WNT2B: variants seen among roughly 807,000 people sequenced by gnomAD.
WNT2B encodes the protein protein Wnt-2b.
Under a neutral mutation model 40.5 loss-of-function variants are expected in WNT2B, and 19 were observed. The observed-to-expected ratio is 0.47, with a 90% CI of 0.33 to 0.69. The LOEUF (loss-of-function observed/expected upper bound fraction) is 0.69. Among genes scored for constraint, WNT2B ranks in the 30% least tolerant of loss-of-function variants. WNT2B has a pLI of 0.02. For synonymous variants in WNT2B, 220 were observed against 211.9 expected (o/e 1.04, Z -0.33); for missense variants, 467 against 556.4 (o/e 0.84, Z 1.62).
intron 4 of WNT2B, among the ~76,000 whole-genome samples, chr1:112,519,448 A>C (rs1652737354): frequency 6.6e-6 from 1 of 152,142 alleles, no homozygotes; most frequent in African/African-American, 2.4e-5. Flanking sequence ...ACCATGGAAA[A>C]GCTTGGAGTA....
chr1:112,496,487 A>G (rs1335374169), intron 1 of WNT2B, among the ~76,000 whole-genome samples: 1 of 152,238 alleles, frequency 6.6e-6, no homozygotes, highest in East Asian at 1.9e-4. Context: ...GACTCAGTGC[A>G]TGATTCATCC....
intron 1 of WNT2B, among the ~76,000 whole-genome samples, chr1:112,481,592 G>T (rs1651226234): frequency 6.6e-6 from 1 of 152,166 alleles, no homozygotes; most frequent in South Asian, 2.1e-4. Flanking sequence ...CAAAAAAGAA[G>T]TAAACTTATC....
intron 1 of WNT2B, among the ~76,000 whole-genome samples, chr1:112,502,508 T>C (rs1651992507): frequency 1.3e-5 from 2 of 152,242 alleles, no homozygotes; most frequent in African/African-American, 4.8e-5. Context: ...GCTTTGATCT[T>C]ATCAGGCAAG....
rs1653248493 is a variant in WNT2B, at chr1:112,525,424, C to A, written c.*4915C>A. 6.6e-6 allele frequency: 1 copy of A among 152,426 alleles called. No individual in the cohort carries two copies. The highest frequency in any genetic ancestry group is 2.4e-5 in the African/African-American group (1 of 41,458). 9.4% of individuals were successfully genotyped at this position (152,426 alleles called of 1,614,324 possible). A position where few individuals can be genotyped will look rare whatever the true frequency, so the allele number is the denominator to read the frequency against. On this transcript the variant is annotated 3_prime_UTR_variant, in exon 5 of 5. Transcript: ENST00000369684. ...GTGGGGTGTCAGTAATATGCCCTGTCCCTGACCTCAAAGGTAAAGGGATAG... is the reference window on the plus strand; with the variant it reads ...GTGGGGTGTCAGTAATATGCCCTGTACCTGACCTCAAAGGTAAAGGGATAG...
intron 3 of WNT2B, 126 bp downstream of exon 3, chr1:112,516,543 A>G: frequency 2.3e-6 from 3 of 1,278,446 alleles, no homozygotes; most frequent in East Asian, 2.5e-5. Context: ...AAAAGCCCCA[A>G]CATCCTGGGA....
chr1:112,525,326 T>A lies in WNT2B; in HGVS notation c.*4817T>A, dbSNP rs1389590605. 1 of 152,258 alleles carries A rather than the reference T, an allele frequency of 6.6e-6. No homozygotes were observed. The allele number at this position is 152,258 out of a possible 1,614,324, so 9.4% of individuals were successfully genotyped here. On this transcript the variant is annotated 3_prime_UTR_variant, in exon 5 of 5. Coordinates refer to ENST00000369684, the MANE Select transcript of WNT2B (RefSeq NM_024494.3). Reference sequence around the variant, plus strand: ...TTTATTAGGGTAAATATATCACAGTTGCTACAGTGAATTGAGCTTTCTCAG... The same window carrying A: ...TTTATTAGGGTAAATATATCACAGTAGCTACAGTGAATTGAGCTTTCTCAG...
intron 1 of WNT2B, among the ~76,000 whole-genome samples, chr1:112,491,514 C>T (rs958285184): frequency 1.3e-5 from 2 of 152,072 alleles, no homozygotes; most frequent in African/African-American, 4.8e-5. Flanking sequence ...GAAAGAAGGG[C>T]AGGAATCAGC....
intron 1 of WNT2B, among the ~76,000 whole-genome samples, chr1:112,496,733 T>C (rs982319392): frequency 1.3e-5 from 2 of 152,126 alleles, no homozygotes; most frequent in African/African-American, 4.8e-5. Context: ...CCTGAGTAGC[T>C]GGGATTACAG....
chr1:112,486,217 T>G (rs1304004607), intron 1 of WNT2B, among the ~76,000 whole-genome samples: 1 of 150,976 alleles, frequency 6.6e-6, no homozygotes, highest in Non-Finnish European at 1.5e-5. Flanking sequence ...CCAAGGCAGG[T>G]GGATCCCTTG....
intron 1 of WNT2B, among the ~76,000 whole-genome samples, chr1:112,478,900 G>T (rs1309563073): frequency 6.6e-6 from 1 of 152,072 alleles, no homozygotes; most frequent in Non-Finnish European, 1.5e-5. Context: ...TCTAGCTTGG[G>T]CAACAGAGCA....
Position 112,524,759 on chromosome 1 carries a change from C to A in WNT2B, c.*4250C>A, listed in dbSNP as rs1338063873. 7 of 152,140 alleles carry A rather than the reference C, an allele frequency of 4.6e-5. No homozygotes were observed. The highest frequency in any genetic ancestry group is 3.9e-4 in the Admixed American group (6 of 15,282). The allele number at this position is 152,140 out of a possible 1,614,324, so 9.4% of individuals were successfully genotyped here. The stretch of plus-strand genomic sequence containing the variant: ...CTGAGCACAACCATGAGGTTACACA[C>A]ACACACACAGAGGTGTACATATACA... On this transcript the variant is annotated 3_prime_UTR_variant, in exon 5 of 5. Coordinates refer to ENST00000369684, the MANE Select transcript of WNT2B (RefSeq NM_024494.3).
At position 112,498,499 on chromosome 1, in the gene WNT2B, T is replaced by C. The variant is rs1651849612; in HGVS notation, c.-94-16375T>C. On this transcript the variant is annotated intron_variant, in intron 1 of 4. Transcript: ENST00000256640. ...ATCCACCCACCTCGGCCTCCCAAAG[T>C]GCTGGGATTACAGACTTGAGCCACC... is the stretch of plus-strand genomic sequence containing the variant. Among the ~76,000 whole-genome samples, 4 of 151,936 alleles carry C rather than the reference T, an allele frequency of 2.6e-5. No individual in the cohort carries two copies. In the South Asian group the frequency reaches 8.3e-4, roughly 32 times the overall value.
upstream of WNT2B, among the ~76,000 whole-genome samples, chr1:112,506,164 A>G (rs1429862095): frequency 6.6e-6 from 1 of 152,036 alleles, no homozygotes; most frequent in African/African-American, 2.4e-5. Context: ...GCATGACCAC[A>G]CCTGGCTAAT....
At chr1:112,479,340 G>A (rs554717059) in intron 1 of WNT2B, among the ~76,000 whole-genome samples, 12 of 151,946 alleles carry the variant, frequency 7.9e-5, no homozygotes, top group African/African-American at 1.2e-4. Flanking sequence ...TTGAGAGGCC[G>A]AGACGGGCTG....
intron 1 of WNT2B, among the ~76,000 whole-genome samples, chr1:112,486,791 T>C (rs976534442): frequency 2.0e-5 from 3 of 152,098 alleles, no homozygotes; most frequent in African/African-American, 7.2e-5. Flanking sequence ...TAGCAATACA[T>C]ACCTACTAGA....
In WNT2B at chr1:112,526,333, C is replaced by A. The variant is rs185361601; in HGVS notation, c.*5824C>A. ...ACAACTCTGGCTCCTAATTCTACTC[C>A]TTTTTTCCCCTTCAGATTAACATTA... On this transcript the variant is annotated 3_prime_UTR_variant, in exon 5 of 5. Transcript: ENST00000369684. 5 of 461,262 alleles carry A rather than the reference C, an allele frequency of 1.1e-5. No individual in the cohort carries two copies. The highest frequency in any genetic ancestry group is 7.6e-6 in the Non-Finnish European group (2 of 264,234). 28.6% of individuals were successfully genotyped at this position (461,262 alleles called of 1,614,324 possible).
At chr1:112,496,627 T>C (rs1417403308) in intron 1 of WNT2B, among the ~76,000 whole-genome samples, 1 of 149,422 alleles carries the variant, frequency 6.7e-6, no homozygotes, top group Admixed American at 6.7e-5. Context: ...CGAGACGGAG[T>C]TTCACTCTTG....
rs147013792 is a variant in WNT2B, at chr1:112,491,146, G to C, written c.-95+23555G>C. 315 of 1,494,166 alleles carry C rather than the reference G, an allele frequency of 2.1e-4. 1 individual carries two copies. The East Asian group carries it at 7.1e-3, about 34-fold the overall frequency. 92.6% of individuals were successfully genotyped at this position (1,494,166 alleles called of 1,614,324 possible). A position where few individuals can be genotyped will look rare whatever the true frequency, so the allele number is the denominator to read the frequency against. ...AATAAATTGGCCTGCACGGTGGCTCGTGCCTGTAATCCCAGCACTTTCAGA... is the reference window on the plus strand; with the variant it reads ...AATAAATTGGCCTGCACGGTGGCTCCTGCCTGTAATCCCAGCACTTTCAGA... On this transcript the variant is annotated intron_variant, in intron 1 of 4. Coordinates refer to the WNT2B transcript ENST00000256640.
rs541740337 is a variant in WNT2B at position 112,473,827 on chromosome 1, C to T, written c.-95+6236C>T. ...ATCCCAGCACTTTGGGAGGCCGAGG[C>T]GGGTGGATCATGAGGTCAGGAGATC... On this transcript the variant is annotated intron_variant, in intron 1 of 4. Transcript: ENST00000256640. Among the ~76,000 whole-genome samples the T allele has an allele frequency of 2.0e-4, 30 of 150,410 alleles. No homozygotes were observed. In the South Asian group the frequency reaches 2.5e-3, roughly 13 times the overall value.
Sources: gnomAD v4.1 joint callset for allele counts (sites outside exome capture counted in the v4.1 genomes callset) on GRCh38, gnomAD v4.1.1 for gene constraint, MANE v1.5 for transcripts, NCBI Gene and HGNC (gene_info 2026-07-23, HGNC 2026-07-21) for gene names.